The following S100PBP variants were observed in gnomAD, a reference collection of about 807,000 sequenced individuals.
S100PBP encodes S100P-binding protein.
S100PBP carries 15 observed loss-of-function variants against 39.9 expected under a neutral mutation model. The observed-to-expected ratio is 0.38, with a 90% CI of 0.25 to 0.58. The LOEUF (loss-of-function observed/expected upper bound fraction) is 0.58, where lower values mean the gene tolerates loss of function less well. Ranked by LOEUF, S100PBP falls within the 20% of genes least tolerant of loss-of-function variation. The pLI is 0.70. For missense variants in S100PBP, 504 were observed against 487.3 expected (o/e 1.03, Z -0.32); for synonymous variants, 178 against 180.3 (o/e 0.99, Z 0.10).
At chr1:32,837,174 A>G (rs1025263532) in intron 5 of S100PBP, 13 of 150,840 alleles carry the variant, frequency 8.6e-5, no homozygotes, top group Non-Finnish European at 1.0e-4. Context: ...AAAAAAAAAA[A>G]AAAAGAAATT....
chr1:32,836,060 C>T (rs1486969501), intron 5 of S100PBP: 1 of 151,342 alleles, frequency 6.6e-6, no homozygotes, highest in Non-Finnish European at 1.5e-5. Context: ...GCAGTTGCAC[C>T]ATTTTGCAGT....
chr1:32,827,039 C>A, intron 3 of S100PBP, 109 bp downstream of exon 3: 1 of 704,912 alleles, frequency 1.4e-6, no homozygotes, highest in Non-Finnish European at 2.3e-6. Flanking sequence ...ACTTCCCCTG[C>A]TGTGGGCATC....
In S100PBP at chr1:32,858,811, G is replaced by GT. The variant is rs1211322671; in HGVS notation, c.*2779dup. 1 of 151,884 alleles carries GT rather than the reference G, an allele frequency of 6.6e-6. No homozygotes were observed. The highest frequency in any genetic ancestry group is 1.5e-5 in the Non-Finnish European group (1 of 68,022). The allele number at this position is 151,884 out of a possible 1,614,324, so 9.4% of individuals were successfully genotyped here. ...AAGTTTGGTGCCTCCTCTTTATCAT[G>GT]TTTTTTCCCTTGTAGCAGTTGTGTT... On this transcript the variant is annotated 3_prime_UTR_variant, in exon 7 of 7. Coordinates refer to ENST00000373475, the MANE Select transcript of S100PBP (RefSeq NM_022753.4).
At chr1:32,841,200 T>C (rs1227345864) in intron 5 of S100PBP, among the ~76,000 whole-genome samples, 1 of 151,850 alleles carries the variant, frequency 6.6e-6, no homozygotes, top group Non-Finnish European at 1.5e-5. Flanking sequence ...TATTTTCTTA[T>C]TACTGAGTTT....
Position 32,852,698 on chromosome 1 carries a change from C to A in S100PBP, c.1025-381C>A, listed in dbSNP as rs143968316. On this transcript the variant is annotated intron_variant, in intron 5 of 6. Transcript: ENST00000373475. ...GGAGGGGGCTTTCCCTAACCCCCAC[C>A]CCCCCAGTCTCTATAGCAGTCTGTA... The A allele has an allele frequency of 5.9e-4, 92 of 157,156 alleles. No homozygotes were observed. In the East Asian group the frequency reaches 8.6e-3, roughly 15 times the overall value. 9.7% of individuals were successfully genotyped at this position (157,156 alleles called of 1,614,324 possible).
chr1:32,826,862 A>G lies in S100PBP; in HGVS notation c.763A>G (p.Arg255Gly), dbSNP rs777088167. The G allele has an allele frequency of 1.9e-6, 3 of 1,613,148 alleles. No homozygotes were observed. Among genetic ancestry groups the G allele is most frequent in the African/African-American group, 2.7e-5 (2 of 75,030 alleles). Residue 255 changes from arginine to glycine, a missense_variant, in exon 3 of 7, where the codon AGA becomes GGA. Arg to Gly is a moderately radical substitution (Grantham distance 125). Transcript: ENST00000373475. ...SETPNMELSC[R>G]NGGSHKSSCE... ...GACTCCTAATATGGAGTTATCCTGC[A>G]GAAATGGTGGTTCACACAAGTCAAG...
At chr1:32,836,670 C>T in intron 5 of S100PBP, 2 of 691,980 alleles carry the variant, frequency 2.9e-6, no homozygotes, top group Non-Finnish European at 3.6e-6. Context: ...TCTACTGCTC[C>T]AATTTGCACT....
At chr1:32,839,761 C>G (rs758740251) in intron 5 of S100PBP, among the ~76,000 whole-genome samples, 27 of 152,080 alleles carry the variant, frequency 1.8e-4, no homozygotes, top group Non-Finnish European at 4.0e-4. Context: ...CCTCCCACCC[C>G]AGCCTCTTGA....
At chr1:32,852,637 T>C (rs1640659012) in intron 5 of S100PBP, 1 of 153,090 alleles carries the variant, frequency 6.5e-6, no homozygotes, top group Non-Finnish European at 1.5e-5. Context: ...ACTAATTTTA[T>C]ACATCCTTTA....
chr1:32,831,396 G>C (rs1023238336), intron 5 of S100PBP, among the ~76,000 whole-genome samples: 1 of 151,902 alleles, frequency 6.6e-6, no homozygotes, highest in African/African-American at 2.4e-5. Flanking sequence ...AAGATAATTA[G>C]TTTAATTACT....
intron 5 of S100PBP, chr1:32,836,169 GTCA>G (rs1435275413): frequency 6.8e-6 from 1 of 146,936 alleles, no homozygotes; most frequent in Non-Finnish European, 1.5e-5. Context: ...GTCTCGCCCT[GTCA>G]TCCAGGCTGG....
At chr1:32,855,783 G>A (rs1397979269) in intron 6 of S100PBP, 141 bp from the exon 7 acceptor site, 1 of 544,236 alleles carries the variant, frequency 1.8e-6, no homozygotes, top group East Asian at 3.1e-5. Flanking sequence ...TTCTAAAATT[G>A]TGAGAATTGA....
intron 5 of S100PBP, among the ~76,000 whole-genome samples, chr1:32,838,784 A>C (rs925597289): frequency 6.6e-6 from 1 of 152,060 alleles, no homozygotes. Context: ...CAGAGGTTGC[A>C]GTGAGCTGAG....
chr1:32,821,591 A>G (rs1159811359), intron 1 of S100PBP, among the ~76,000 whole-genome samples: 1 of 148,472 alleles, frequency 6.7e-6, no homozygotes, highest in East Asian at 2.0e-4. Context: ...AAGTGCTAGG[A>G]TTACAGGCGT....
chr1:32,856,197 C>T lies in S100PBP; in HGVS notation c.*159C>T, dbSNP rs1023803241. On this transcript the variant is annotated 3_prime_UTR_variant, in exon 7 of 7. Coordinates refer to ENST00000373475, the MANE Select transcript of S100PBP (RefSeq NM_022753.4). The stretch of plus-strand genomic sequence containing the variant: ...GTCACCTTTTGGAAATGCCCATTGC[C>T]GACTTGAATTTTTTTGTATGAAGTC... 1.3e-5 allele frequency: 6 copies of T among 457,258 alleles called. No individual in the cohort carries two copies. The highest frequency in any genetic ancestry group is 5.7e-5 in the South Asian group (2 of 35,326). The allele number at this position is 457,258 out of a possible 1,614,324, so 28.3% of individuals were successfully genotyped here.
intron 4 of S100PBP, 88 bp downstream of exon 4, chr1:32,828,169 G>GAAAAAAA: frequency 1.2e-6 from 1 of 831,924 alleles, no homozygotes; most frequent in Admixed American, 2.5e-5. Context: ...TTAGTGCAGG[G>GAAAAAAA]AAAAAAATCC....
chr1:32,837,058 G>C (rs942884354), intron 5 of S100PBP: 2 of 142,746 alleles, frequency 1.4e-5, no homozygotes, highest in Non-Finnish European at 3.0e-5. Context: ...CCAATATGGT[G>C]AAACCCCATC....
chr1:32,841,172 A>C (rs903273129), intron 5 of S100PBP, among the ~76,000 whole-genome samples: 1 of 151,782 alleles, frequency 6.6e-6, no homozygotes, highest in East Asian at 1.9e-4. Context: ...AAAAAAAAAA[A>C]AATAAAAAAA....
intron 1 of S100PBP, among the ~76,000 whole-genome samples, chr1:32,819,870 C>T (rs1296999205): frequency 1.3e-5 from 2 of 152,092 alleles, no homozygotes; most frequent in Admixed American, 6.6e-5. Flanking sequence ...ACAGTATTTA[C>T]CCCCTTTTTA....
Sources: allele counts gnomAD v4.1 joint callset (sites outside exome capture counted in the v4.1 genomes callset), GRCh38; gene constraint gnomAD v4.1.1; transcripts MANE v1.5; gene names NCBI Gene and HGNC (gene_info 2026-07-23, HGNC 2026-07-21).